LRMDA: variants seen among roughly 807,000 people sequenced by gnomAD.
LRMDA encodes leucine-rich melanocyte differentiation-associated protein.
Under a neutral mutation model 29.8 loss-of-function variants are expected in LRMDA, and 18 were observed. The ratio of observed to expected loss-of-function variants is 0.60; its 90% confidence interval spans 0.42 to 0.90. The LOEUF (loss-of-function observed/expected upper bound fraction) is 0.90, where lower values mean the gene tolerates loss of function less well. LRMDA is among the 40% of genes least tolerant of loss of function. LRMDA has a pLI of 0.00. For synonymous variants in LRMDA, 125 were observed against 109.4 expected (o/e 1.14, Z -0.89); for missense variants, 273 against 273.9 (o/e 1.00, Z 0.02).
chr10:76,154,852 T>C (rs1850509752), intron 5 of LRMDA, among the ~76,000 whole-genome samples: 1 of 152,180 alleles, frequency 6.6e-6, no homozygotes, highest in Non-Finnish European at 1.5e-5. Flanking sequence ...TCATGTACCA[T>C]GTTTATAGTC....
chr10:75,659,658 T>A (rs772626178), intron 2 of LRMDA, among the ~76,000 whole-genome samples: 1 of 152,200 alleles, frequency 6.6e-6, no homozygotes, highest in Non-Finnish European at 1.5e-5. Context: ...AATGGGCAAC[T>A]GTTGGTCAAA....
chr10:76,071,333 T>C (rs1269594285), intron 5 of LRMDA, among the ~76,000 whole-genome samples: 1 of 152,192 alleles, frequency 6.6e-6, no homozygotes, highest in African/African-American at 2.4e-5. Context: ...CCAAGTACTG[T>C]ATTATGAAAC....
chr10:75,772,911 C>CT (rs1352846913), intron 2 of LRMDA, among the ~76,000 whole-genome samples: 1 of 151,454 alleles, frequency 6.6e-6, no homozygotes, highest in Non-Finnish European at 1.5e-5. Flanking sequence ...ATCATCCCAG[C>CT]TTGCCCTGGG....
chr10:75,448,212 C>A (rs575522617), intron 2 of LRMDA, among the ~76,000 whole-genome samples: 1 of 152,308 alleles, frequency 6.6e-6, no homozygotes, highest in South Asian at 2.1e-4. Context: ...GCAGCATTTG[C>A]CTCTAAGATA....
chr10:75,642,280 C>T (rs1841463366), intron 2 of LRMDA, among the ~76,000 whole-genome samples: 1 of 150,112 alleles, frequency 6.7e-6, no homozygotes, highest in Non-Finnish European at 1.5e-5. Context: ...TGAACGTTTC[C>T]CTGTTGGTTC....
chr10:75,824,201 A>G (rs1255148608), intron 2 of LRMDA, among the ~76,000 whole-genome samples: 1 of 152,180 alleles, frequency 6.6e-6, no homozygotes, highest in Non-Finnish European at 1.5e-5. Flanking sequence ...TATTAAATGA[A>G]GTATATTATC....
chr10:75,857,232 C>T (rs1844842886), intron 2 of LRMDA, among the ~76,000 whole-genome samples: 1 of 152,178 alleles, frequency 6.6e-6, no homozygotes, highest in Admixed American at 6.5e-5. Context: ...AGAGGATAAA[C>T]ATTTGTTCTT....
At chr10:76,062,197 C>A (rs951992326) in intron 5 of LRMDA, among the ~76,000 whole-genome samples, 11 of 152,182 alleles carry the variant, frequency 7.2e-5, no homozygotes, top group Middle Eastern at 3.2e-3. Flanking sequence ...TGGCTCCTGT[C>A]CTTTCCAGGG....
At chr10:75,484,320 T>C (rs1844885980) in intron 2 of LRMDA, among the ~76,000 whole-genome samples, 1 of 152,158 alleles carries the variant, frequency 6.6e-6, no homozygotes, top group African/African-American at 2.4e-5. Flanking sequence ...TTGAGGTACT[T>C]ATAAATCCTC....
chr10:76,160,741 G>T (rs1850632138), intron 5 of LRMDA, among the ~76,000 whole-genome samples: 1 of 152,114 alleles, frequency 6.6e-6, no homozygotes. Flanking sequence ...GACCATGATA[G>T]GTTGGACTCT....
intron 2 of LRMDA, among the ~76,000 whole-genome samples, chr10:75,755,231 T>G (rs1480085610): frequency 3.3e-5 from 5 of 152,336 alleles, no homozygotes; most frequent in African/African-American, 7.2e-5. Context: ...GAAAAAAGTC[T>G]TAGTTAAATG....
intron 6 of LRMDA, among the ~76,000 whole-genome samples, chr10:76,330,892 A>G (rs1840896526): frequency 6.6e-6 from 1 of 152,220 alleles, no homozygotes; most frequent in Non-Finnish European, 1.5e-5. Context: ...AAGACTCAGG[A>G]AAATAGATGC....
intron 2 of LRMDA, among the ~76,000 whole-genome samples, chr10:75,905,193 A>G (rs1284654067): frequency 4.2e-5 from 6 of 144,520 alleles, no homozygotes; most frequent in African/African-American, 1.5e-4. Context: ...GGCAAGCACT[A>G]TTTTCCAGAA....
intron 2 of LRMDA, 48 bp downstream of exon 2, chr10:75,438,542 T>TGG: frequency 2.8e-6 from 4 of 1,434,576 alleles, no homozygotes; most frequent in African/African-American, 1.4e-5. Flanking sequence ...GGCCCAGTCC[T>TGG]CCTGGGTACT....
At chr10:75,721,163 C>T (rs1842562402) in intron 2 of LRMDA, among the ~76,000 whole-genome samples, 1 of 152,076 alleles carries the variant, frequency 6.6e-6, no homozygotes, top group South Asian at 2.1e-4. Context: ...GTGACATTAG[C>T]CTTTGGACCA....
chr10:76,011,818 C>A (rs1361768553), intron 2 of LRMDA, among the ~76,000 whole-genome samples: 3 of 152,102 alleles, frequency 2.0e-5, no homozygotes, highest in African/African-American at 7.2e-5. Flanking sequence ...AAACATGGGG[C>A]CAAGTTCTTT....
In LRMDA at chr10:75,911,127, C is replaced by A. The variant is rs1333558055; in HGVS notation, c.132-124881C>A. Among the ~76,000 whole-genome samples, 3 of 152,124 alleles carry A rather than the reference C, an allele frequency of 2.0e-5. No individual in the cohort carries two copies. The East Asian group carries it at 5.8e-4, about 29-fold the overall frequency. On this transcript the variant is annotated intron_variant, in intron 2 of 6. Coordinates refer to ENST00000611255, the MANE Select transcript of LRMDA (RefSeq NM_001305581.2). Reference sequence around the variant, plus strand: ...GTCTGGTGTCCTAGGAGAGTAGATACCTTGGAGATGAAGAAACATCTGTTC... The same window carrying A: ...GTCTGGTGTCCTAGGAGAGTAGATAACTTGGAGATGAAGAAACATCTGTTC...
At chr10:75,742,044 C>T (rs933327664) in intron 2 of LRMDA, among the ~76,000 whole-genome samples, 3 of 152,238 alleles carry the variant, frequency 2.0e-5, no homozygotes, top group African/African-American at 7.2e-5. Context: ...TAAGAACTTC[C>T]ATCCTGCAGA....
chr10:75,635,308 G>C (rs1841376928), intron 2 of LRMDA, among the ~76,000 whole-genome samples: 1 of 152,146 alleles, frequency 6.6e-6, no homozygotes, highest in African/African-American at 2.4e-5. Context: ...GGGTGGACTA[G>C]AGCCCCGAGA....
Sources: gnomAD v4.1 joint callset for allele counts (sites outside exome capture counted in the v4.1 genomes callset) on GRCh38, gnomAD v4.1.1 for gene constraint, MANE v1.5 for transcripts, NCBI Gene and HGNC (gene_info 2026-07-23, HGNC 2026-07-21) for gene names.